LY75: variants seen among roughly 807,000 people sequenced by gnomAD.
The protein encoded by LY75 is C-type lectin domain family 13 member B.
In LY75, 185 loss-of-function variants were observed where a neutral mutation model predicts 231.7. That is an observed-to-expected ratio of 0.80 (90% CI 0.71 to 0.90). The LOEUF (loss-of-function observed/expected upper bound fraction) is 0.90, where lower values mean the gene tolerates loss of function less well. Among genes scored for constraint, LY75 ranks in the 40% least tolerant of loss-of-function variants. The probability of loss-of-function intolerance (pLI) is 0.00; values close to 1 mark genes in which losing one functional copy is unlikely to be tolerated. For synonymous variants in LY75, 668 were observed against 689.0 expected (o/e 0.97, Z 0.48); for missense variants, 1,947 against 2,050.2 (o/e 0.95, Z 0.97).
intron 30 of LY75, 130 bp from the exon 31 acceptor site, chr2:159,815,703 T>C: frequency 9.0e-7 from 1 of 1,114,454 alleles, no homozygotes; most frequent in South Asian, 1.7e-5. Flanking sequence ...ATTGTAGGTC[T>C]GAACCTACTA....
Position 159,898,809 on chromosome 2 carries a change from C to T in LY75, c.345G>A (p.Leu115=), listed in dbSNP as rs1263045228. The T allele has an allele frequency of 1.2e-6, 2 of 1,614,214 alleles. No homozygotes were observed. The highest frequency in any genetic ancestry group is 1.3e-5 in the African/African-American group (1 of 75,048). ...CCAGCCGGTACCGGGCAGCTCCGTACAGAGAGTGGTGCTCACATTTCCACC... is the reference window on the plus strand; with the variant it reads ...CCAGCCGGTACCGGGCAGCTCCGTATAGAGAGTGGTGCTCACATTTCCACC... The part of the protein sequence containing the change: ...MLWWKCEHHS[L]YGAARYRLAL... The change falls in exon 2 of 35, where the codon CTG becomes CTA. Residue 115 remains leucine, a synonymous_variant. Transcript: ENST00000263636.
At chr2:159,898,620 G>A (rs1560107111) in intron 2 of LY75, 68 bp downstream of exon 2, 1 of 1,549,586 alleles carries the variant, frequency 6.5e-7, no homozygotes, top group African/African-American at 1.4e-5. Flanking sequence ...TTACTAAATT[G>A]TGCATGTTTA....
rs1283051573 is a variant in LY75 at position 159,872,508 on chromosome 2, C to T, written c.2060G>A (p.Ser687Asn). 2 of 1,614,002 alleles carry T rather than the reference C, an allele frequency of 1.2e-6. No homozygotes were observed. Among genetic ancestry groups the T allele is most frequent in the Non-Finnish European group, 1.7e-6 (2 of 1,179,938 alleles). The change falls in exon 13 of 35, where the codon AGC becomes AAC. Residue 687 changes from serine to asparagine, a missense_variant. Coordinates refer to ENST00000263636, the MANE Select transcript of LY75 (RefSeq NM_002349.4). ...FCQALGAHLS[S>N]FSHVDEIKEF... ...CTTTATTTCATCCACATGGCTGAAG[C>T]TAGAAAGGTGTGCTCCAAGGGCTTG...
chr2:159,851,925 A>T (rs1407269669), intron 21 of LY75, among the ~76,000 whole-genome samples: 1 of 152,256 alleles, frequency 6.6e-6, no homozygotes, highest in African/African-American at 2.4e-5. Flanking sequence ...TATTCAATGC[A>T]TCCCAATCCC....
At chr2:159,815,626 G>A in intron 30 of LY75, 53 bp from the exon 31 acceptor site, 1 of 1,565,220 alleles carries the variant, frequency 6.4e-7, no homozygotes, top group Non-Finnish European at 8.6e-7. Flanking sequence ...ACTTCAAAAA[G>A]AATACAAAGA....
chr2:159,882,198 G>C lies in LY75; in HGVS notation c.1172C>G (p.Ala391Gly), dbSNP rs1685456865. ...AATGCTGATTAGGTCACTACTGAAG[G>C]CTTTGCATTTCGCATGTGCCTTATC... ...SWDKAHAKCK[A>G]FSSDLISIHS... Residue 391 changes from alanine to glycine, a missense_variant, in exon 7 of 35, where the codon GCC becomes GGC. Coordinates refer to ENST00000263636, the MANE Select transcript of LY75 (RefSeq NM_002349.4). 1.2e-6 allele frequency: 2 copies of C among 1,613,900 alleles called. No homozygotes were observed. Among genetic ancestry groups the C allele is most frequent in the African/African-American group, 1.3e-5 (1 of 74,902 alleles).
At chr2:159,853,844 T>A (rs1227903585) in intron 18 of LY75, 147 bp from the exon 19 acceptor site, 4 of 1,056,064 alleles carry the variant, frequency 3.8e-6, no homozygotes, top group East Asian at 5.1e-5. Context: ...AACTAGAACC[T>A]TTTGCCAAAG....
rs1574556481 is a variant in LY75, at chr2:159,850,127, G to A, written c.3003C>T (p.Ser1001=). 2 of 1,609,390 alleles carry A rather than the reference G, an allele frequency of 1.2e-6. No individual in the cohort carries two copies. Among genetic ancestry groups the A allele is most frequent in the Non-Finnish European group, 1.7e-6 (2 of 1,178,836 alleles). ...AAGTAGCTTCCATATCCGGAAGCAA[G>A]GATGTAATAAAGTCTGTTAGAAAGA... The part of the protein sequence containing the change: ...LSQIEQDFIT[S]LLPDMEATLW... Residue 1001 remains serine (S), a synonymous_variant, in exon 23 of 35, where the codon TCC becomes TCT. Coordinates refer to ENST00000263636, the MANE Select transcript of LY75 (RefSeq NM_002349.4).
chr2:159,820,785 C>T (rs1683261946), intron 28 of LY75, among the ~76,000 whole-genome samples: 1 of 152,222 alleles, frequency 6.6e-6, no homozygotes, highest in South Asian at 2.1e-4. Flanking sequence ...AAAGTCACCA[C>T]AGAAATCTCT....
rs1241976728 is a variant in LY75 at position 159,882,227 on chromosome 2, G to T, written c.1143C>A (p.Ser381=). 6.2e-7 allele frequency: 1 copy of T among 1,613,904 alleles called. No individual in the cohort carries two copies. Among genetic ancestry groups the T allele is most frequent in the Non-Finnish European group, 8.5e-7 (1 of 1,179,944 alleles). ...FCYLLVNESN[S]WDKAHAKCKA... ...TGCATTTCGCATGTGCCTTATCCCA[G>T]GAATTACTTTCATTTACCAGCAGAT... Residue 381 remains serine, a synonymous_variant, in exon 7 of 35, where the codon TCC becomes TCA. Coordinates refer to ENST00000263636, the MANE Select transcript of LY75 (RefSeq NM_002349.4).
Position 159,804,206 on chromosome 2 carries a change from C to A in LY75, c.*838G>T, listed in dbSNP as rs1682731099. 6.6e-6 allele frequency: 1 copy of A among 152,132 alleles called. No individual in the cohort carries two copies. Among genetic ancestry groups the A allele is most frequent in the South Asian group, 2.1e-4 (1 of 4,826 alleles). 9.4% of individuals were successfully genotyped at this position (152,132 alleles called of 1,614,324 possible). A position where few individuals can be genotyped will look rare whatever the true frequency, so the allele number is the denominator to read the frequency against. On this transcript the variant is annotated 3_prime_UTR_variant, in exon 35 of 35. Transcript: ENST00000263636. Reference sequence around the variant, plus strand: ...TAAGAAACATCTTGCCAAGAGGAATCATTTTGCTATATAAAAAGTAAGCAG... The same window carrying A: ...TAAGAAACATCTTGCCAAGAGGAATAATTTTGCTATATAAAAAGTAAGCAG...
chr2:159,835,119 C>A (rs1683780958), intron 26 of LY75, among the ~76,000 whole-genome samples: 1 of 152,142 alleles, frequency 6.6e-6, no homozygotes, highest in Non-Finnish European at 1.5e-5. Flanking sequence ...AATCTTAAGA[C>A]TCATAAAAGT....
intron 28 of LY75, among the ~76,000 whole-genome samples, chr2:159,824,527 TA>T (rs762413458): frequency 6.6e-6 from 1 of 152,172 alleles, no homozygotes; most frequent in Admixed American, 6.5e-5. Context: ...TGGGAGACTT[TA>T]ACACCCCACT....
chr2:159,831,641 T>C, intron 28 of LY75, 29 bp downstream of exon 28: 1 of 1,604,988 alleles, frequency 6.2e-7, no homozygotes, highest in Non-Finnish European at 8.5e-7. Context: ...CAAAAACAAA[T>C]AGAGAAAGTT....
At chr2:159,827,961 T>A (rs900700090) in intron 28 of LY75, among the ~76,000 whole-genome samples, 1 of 150,834 alleles carries the variant, frequency 6.6e-6, no homozygotes, top group African/African-American at 2.4e-5. Flanking sequence ...TGTCGGGGGG[T>A]AGGGGGCTAG....
chr2:159,897,602 T>C (rs1685941313), intron 2 of LY75, among the ~76,000 whole-genome samples: 2 of 152,134 alleles, frequency 1.3e-5, no homozygotes, highest in Non-Finnish European at 2.9e-5. Flanking sequence ...TAATGGAAAG[T>C]ATGGGAGCAA....
chr2:159,810,099 T>C (rs1311198377), intron 32 of LY75, among the ~76,000 whole-genome samples: 1 of 152,130 alleles, frequency 6.6e-6, no homozygotes, highest in Non-Finnish European at 1.5e-5. Context: ...AGTGGTGCCA[T>C]CTCAGCTCAC....
chr2:159,841,016 G>T, intron 24 of LY75, 61 bp from the exon 25 acceptor site: 1 of 1,581,328 alleles, frequency 6.3e-7, no homozygotes. Context: ...CAAGTTATGG[G>T]ACATTTTTTT....
At chr2:159,808,347 T>A in intron 33 of LY75, 102 bp downstream of exon 33, 1 of 1,581,396 alleles carries the variant, frequency 6.3e-7, no homozygotes, top group Non-Finnish European at 8.6e-7. Flanking sequence ...AGAAGAGGCA[T>A]CTGAATTAGC....
Sources: gnomAD v4.1 joint callset for allele counts (sites outside exome capture counted in the v4.1 genomes callset) on GRCh38, gnomAD v4.1.1 for gene constraint, MANE v1.5 for transcripts, NCBI Gene and HGNC (gene_info 2026-07-23, HGNC 2026-07-21) for gene names.